ANO6: variants seen among roughly 807,000 people sequenced by gnomAD.
The protein encoded by ANO6 is anoctamin-6.
In ANO6, 106 loss-of-function variants were observed where a neutral mutation model predicts 117.5. The ratio of observed to expected loss-of-function variants is 0.90; its 90% CI spans 0.77 to 1.06. ANO6 has a LOEUF of 1.06. Ranked by LOEUF, ANO6 falls within the 50% of genes least tolerant of loss-of-function variation. The probability of loss-of-function intolerance (pLI) is 0.00; values close to 1 mark genes in which losing one functional copy is unlikely to be tolerated. For missense variants in ANO6, 955 were observed against 1,121.1 expected (o/e 0.85, Z 2.12); for synonymous variants, 367 against 385.1 (o/e 0.95, Z 0.55).
At chr12:45,239,013 G>A (rs1182306359) in intron 1 of ANO6, among the ~76,000 whole-genome samples, 1 of 152,118 alleles carries the variant, frequency 6.6e-6, no homozygotes, top group South Asian at 2.1e-4. Context: ...TTTCTTTCTT[G>A]TATATCTGCC....
At chr12:45,367,567 T>C in intron 8 of ANO6, 121 bp from the exon 9 acceptor site, 1 of 726,902 alleles carries the variant, frequency 1.4e-6, no homozygotes, top group Non-Finnish European at 2.3e-6. Context: ...GTAACAGAAG[T>C]TCACTTCTGT....
intron 8 of ANO6, among the ~76,000 whole-genome samples, chr12:45,364,153 G>C (rs1279050605): frequency 1.3e-5 from 2 of 152,186 alleles, no homozygotes; most frequent in Non-Finnish European, 2.9e-5. Flanking sequence ...TTTATGAAAA[G>C]TTAGCTGCTA....
chr12:45,376,684 A>C (rs1314972287), intron 9 of ANO6, among the ~76,000 whole-genome samples: 1 of 131,546 alleles, frequency 7.6e-6, no homozygotes, highest in Non-Finnish European at 1.6e-5. Flanking sequence ...GGGGAACATC[A>C]CACTCTGGGG....
intron 17 of ANO6, among the ~76,000 whole-genome samples, chr12:45,419,868 G>T (rs979071348): frequency 6.6e-6 from 1 of 151,706 alleles, no homozygotes; most frequent in Non-Finnish European, 1.5e-5. Context: ...TGATACACAG[G>T]TTTATGATTG....
At chr12:45,276,701 T>C (rs1208537726) in intron 1 of ANO6, among the ~76,000 whole-genome samples, 1 of 152,186 alleles carries the variant, frequency 6.6e-6, no homozygotes, top group Non-Finnish European at 1.5e-5. Context: ...TATTGTGGAA[T>C]ATAAGCTTCC....
At chr12:45,304,167 C>T (rs1000560370) in intron 2 of ANO6, among the ~76,000 whole-genome samples, 1 of 152,174 alleles carries the variant, frequency 6.6e-6, no homozygotes, top group Non-Finnish European at 1.5e-5. Flanking sequence ...CCCAGTTCCA[C>T]AGTAAACATA....
intron 1 of ANO6, among the ~76,000 whole-genome samples, chr12:45,300,436 C>G (rs1262478926): frequency 6.6e-6 from 1 of 152,170 alleles, no homozygotes; most frequent in Non-Finnish European, 1.5e-5. Context: ...ACCTTGGCCT[C>G]CAAAGTGCTA....
intron 1 of ANO6, among the ~76,000 whole-genome samples, chr12:45,245,898 G>A (rs1407184780): frequency 1.3e-5 from 2 of 150,402 alleles, no homozygotes; most frequent in African/African-American, 2.5e-5. Flanking sequence ...GTAATTTTGC[G>A]TAGATTCTCT....
chr12:45,261,069 C>G (rs1592887581), intron 1 of ANO6, among the ~76,000 whole-genome samples: 1 of 152,208 alleles, frequency 6.6e-6, no homozygotes, highest in East Asian at 1.9e-4. Flanking sequence ...ATCCCCCAGC[C>G]TTGGCCTCCC....
chr12:45,370,877 C>G (rs1941807437), intron 9 of ANO6, among the ~76,000 whole-genome samples: 1 of 152,278 alleles, frequency 6.6e-6, no homozygotes, highest in African/African-American at 2.4e-5. Flanking sequence ...CGAATAGGAA[C>G]AGCTCCGGTC....
intron 1 of ANO6, among the ~76,000 whole-genome samples, chr12:45,217,117 C>T (rs1446245133): frequency 1.3e-5 from 2 of 151,696 alleles, no homozygotes; most frequent in Non-Finnish European, 2.9e-5. Flanking sequence ...GGAGGGAGAG[C>T]TGTTTTAAGA....
chr12:45,439,374 C>T (rs1406358229), intron 19 of ANO6, among the ~76,000 whole-genome samples: 2 of 152,202 alleles, frequency 1.3e-5, no homozygotes, highest in Non-Finnish European at 2.9e-5. Context: ...CTCCCAAACT[C>T]ATCTGCGGTG....
At chr12:45,434,682 C>T (rs1257156142), downstream of ANO6, among the ~76,000 whole-genome samples, 2 of 152,164 alleles carry the variant, frequency 1.3e-5, no homozygotes, top group Admixed American at 1.3e-4. Context: ...CTCCCTGTCC[C>T]TCATTTCTGC....
At chr12:45,266,805 A>AGTGT (rs57682251) in intron 1 of ANO6, among the ~76,000 whole-genome samples, 4,510 of 145,730 alleles carry the variant, frequency 0.031, 143 homozygotes, top group African/African-American at 0.084. Context: ...TCAAAAAACA[A>AGTGT]GTGTGTGTGT....
chr12:45,431,781 C>T lies in ANO6; in HGVS notation c.*2470C>T, dbSNP rs1227418511. On this transcript the variant is annotated 3_prime_UTR_variant, in exon 20 of 20. Coordinates refer to ENST00000320560, the MANE Select transcript of ANO6 (RefSeq NM_001025356.3). ...GCCCTGGGGAAATTGATGGGTGTGG[C>T]AGTGGACCTGTGAAGAGGGAGAATC... The T allele has an allele frequency of 7.1e-6, 7 of 985,326 alleles. No individual in the cohort carries two copies. The highest frequency in any genetic ancestry group is 8.4e-6 in the Non-Finnish European group (7 of 829,946). The allele number at this position is 985,326 out of a possible 1,614,324, so 61.0% of individuals were successfully genotyped here. A position where few individuals can be genotyped will look rare whatever the true frequency, so the allele number is the denominator to read the frequency against.
intron 1 of ANO6, among the ~76,000 whole-genome samples, chr12:45,278,530 A>G (rs191603972): frequency 4.6e-4 from 70 of 152,182 alleles, no homozygotes; most frequent in African/African-American, 1.6e-3. Flanking sequence ...CTTCTGTATC[A>G]TTTTAATTTC....
rs752908790 is a variant in ANO6, at chr12:45,390,476, G to A, written c.1364G>A (p.Cys455Tyr). The A allele has an allele frequency of 1.1e-5, 17 of 1,613,610 alleles. No homozygotes were observed. Among genetic ancestry groups the A allele is most frequent in the Non-Finnish European group, 1.4e-5 (17 of 1,179,844 alleles). Residue 455 changes from cysteine (C) to tyrosine (Y), a missense_variant, in exon 12 of 20, where the codon TGT (cysteine) becomes TAT (tyrosine). Cys to Tyr is a radical substitution (Grantham distance 194). Transcript: ENST00000320560. ...AWGKCIRITL[C>Y]ASAVFFWILL... ...GGAAAATGTATACGGATAACCCTCT[G>A]TGCCAGTGCTGTCTTTTTCTGGGTA...
At chr12:45,285,939 C>G (rs904439143) in intron 1 of ANO6, among the ~76,000 whole-genome samples, 20 of 152,132 alleles carry the variant, frequency 1.3e-4, no homozygotes, top group African/African-American at 4.8e-4. Context: ...TTATTCAGAG[C>G]ACTTGGTGAA....
intron 1 of ANO6, chr12:45,270,558 C>G: frequency 1.4e-6 from 1 of 720,610 alleles, no homozygotes. Flanking sequence ...TGAACAGCAT[C>G]CTTCCTTCTT....
Sources: gnomAD v4.1 joint callset for allele counts (sites outside exome capture counted in the v4.1 genomes callset) on GRCh38, gnomAD v4.1.1 for gene constraint, MANE v1.5 for transcripts, NCBI Gene and HGNC (gene_info 2026-07-23, HGNC 2026-07-21) for gene names.